Variants in CACNA1E observed in about 807,000 individuals in gnomAD.
CACNA1E encodes voltage-dependent R-type calcium channel subunit alpha-1E.
CACNA1E carries 40 observed loss-of-function variants against 259.2 expected under a neutral mutation model. The observed-to-expected ratio is 0.15, with a 90% CI of 0.12 to 0.20. CACNA1E has a LOEUF of 0.20. Ranked by LOEUF, CACNA1E falls within the 10% of genes least tolerant of loss-of-function variation. The pLI is 1.00. For synonymous variants in CACNA1E, 1,104 were observed against 1,138.5 expected (o/e 0.97, Z 0.61); for missense variants, 1,874 against 3,040.1 (o/e 0.62, Z 9.02).
chr1:181,602,913 TTACTC>T (rs1653876175), intron 6 of CACNA1E, among the ~76,000 whole-genome samples: 1 of 152,062 alleles, frequency 6.6e-6, no homozygotes, highest in Admixed American at 6.5e-5. Context: ...CGCATGAAAA[TTACTC>T]TAGGATCTCT....
intron 2 of CACNA1E, among the ~76,000 whole-genome samples, chr1:181,414,378 G>A (rs1409299837): frequency 6.6e-6 from 1 of 152,194 alleles, no homozygotes; most frequent in Non-Finnish European, 1.5e-5. Flanking sequence ...TTTGATGGTG[G>A]TGGTCGTGGT....
At chr1:181,625,160 T>C (rs1329141121) in intron 6 of CACNA1E, among the ~76,000 whole-genome samples, 1 of 151,118 alleles carries the variant, frequency 6.6e-6, no homozygotes, top group Non-Finnish European at 1.5e-5. Flanking sequence ...GTTTCATTTA[T>C]AGAGCACAAG....
rs144803114 is a variant in CACNA1E at position 181,670,228 on chromosome 1, C to T, written c.1055+18787C>T. Among the ~76,000 whole-genome samples the T allele has an allele frequency of 6.6e-5, 10 of 152,274 alleles. No individual in the cohort carries two copies. The East Asian group carries it at 1.7e-3, about 26-fold the overall frequency. On this transcript the variant is annotated intron_variant, in intron 7 of 47. Transcript: ENST00000367573. ...CTGTGCACTTGCAGACACGTATACA[C>T]TGAGGTGGCTGAAATAATACCTCCC...
intron 6 of CACNA1E, among the ~76,000 whole-genome samples, chr1:181,634,570 C>A (rs1657033023): frequency 1.3e-5 from 2 of 152,122 alleles, no homozygotes; most frequent in African/African-American, 2.4e-5. Flanking sequence ...AAGTTATTTC[C>A]ATCGAACATG....
chr1:181,467,200 G>C (rs759375393), intron 2 of CACNA1E, among the ~76,000 whole-genome samples: 1 of 152,224 alleles, frequency 6.6e-6, no homozygotes, highest in East Asian at 1.9e-4. Context: ...CAAGGAGATG[G>C]TTCTCAAATT....
At position 181,755,945 on chromosome 1, in the gene CACNA1E, T is replaced by C; in HGVS notation, c.3990-11T>C. On this transcript the variant is annotated splice_polypyrimidine_tract_variant and intron_variant, in intron 28 of 47. Coordinates refer to ENST00000367573, the MANE Select transcript of CACNA1E (RefSeq NM_001205293.3). ...TGAGGAGGCTCTCTTTCATTTCTGC[T>C]CTGGTTTTAGAGGCAACTATGTAGA... The C allele has an allele frequency of 6.2e-7, 1 of 1,611,728 alleles. No homozygotes were observed. Among genetic ancestry groups the C allele is most frequent in the Non-Finnish European group, 8.5e-7 (1 of 1,178,604 alleles).
At chr1:181,513,280 G>A (rs1455239121) in intron 3 of CACNA1E, among the ~76,000 whole-genome samples, 10 of 152,116 alleles carry the variant, frequency 6.6e-5, no homozygotes, top group Non-Finnish European at 1.0e-4. Flanking sequence ...CCAGGCCTTC[G>A]ATGCTAAGCA....
chr1:181,689,796 A>T (rs1033413675), intron 7 of CACNA1E, among the ~76,000 whole-genome samples: 3 of 152,030 alleles, frequency 2.0e-5, no homozygotes, highest in African/African-American at 7.3e-5. Context: ...GTGTCTGTTC[A>T]TATCCTTTGG....
intron 6 of CACNA1E, among the ~76,000 whole-genome samples, chr1:181,646,936 C>T (rs1658323937): frequency 1.3e-5 from 2 of 152,216 alleles, no homozygotes. Flanking sequence ...AGGTGGGCTG[C>T]CGCCCCCGAA....
intron 1 of CACNA1E, among the ~76,000 whole-genome samples, chr1:181,359,689 C>T (rs1456726943): frequency 6.6e-6 from 1 of 152,114 alleles, no homozygotes; most frequent in African/African-American, 2.4e-5. Flanking sequence ...TCCCGAGCTT[C>T]CCTGGTCTTT....
Position 181,804,352 on chromosome 1 carries a change from T to A in CACNA1E, c.*5518T>A, listed in dbSNP as rs1375416769. ...AGTACCAGCTGTCTTTTCTCTCTGG[T>A]CTCCTTTTTGTCGTCTTTCTCTTTC... On this transcript the variant is annotated 3_prime_UTR_variant, in exon 48 of 48. Transcript: ENST00000367573. The A allele has an allele frequency of 2.0e-5, 3 of 152,226 alleles. No individual in the cohort carries two copies. The highest frequency in any genetic ancestry group is 4.4e-5 in the Non-Finnish European group (3 of 68,048). 9.4% of individuals were successfully genotyped at this position (152,226 alleles called of 1,614,324 possible).
chr1:181,600,219 G>A (rs1214802968), intron 6 of CACNA1E, among the ~76,000 whole-genome samples: 5 of 152,218 alleles, frequency 3.3e-5, no homozygotes, highest in Admixed American at 3.3e-4. Context: ...GGTTCAGGGA[G>A]TGTCCAACAG....
chr1:181,720,496 C>T (rs749175126), intron 14 of CACNA1E, among the ~76,000 whole-genome samples, 159 bp downstream of exon 14: 13 of 152,210 alleles, frequency 8.5e-5, no homozygotes, highest in Admixed American at 2.6e-4. Flanking sequence ...GAGTAAACGT[C>T]TCTGCTTTTA....
chr1:181,605,796 C>T (rs960878378), intron 6 of CACNA1E, among the ~76,000 whole-genome samples: 1 of 152,162 alleles, frequency 6.6e-6, no homozygotes, highest in African/African-American at 2.4e-5. Flanking sequence ...TCTTGAGGAG[C>T]TTCTCAGCAT....
chr1:181,378,552 A>C (rs1277873901), intron 1 of CACNA1E, among the ~76,000 whole-genome samples: 1 of 152,180 alleles, frequency 6.6e-6, no homozygotes, highest in Non-Finnish European at 1.5e-5. Flanking sequence ...ACACAGAGAG[A>C]ACTCTGGAGA....
chr1:181,693,202 G>A (rs1029420189), intron 7 of CACNA1E, among the ~76,000 whole-genome samples: 1 of 151,546 alleles, frequency 6.6e-6, no homozygotes, highest in Non-Finnish European at 1.5e-5. Context: ...TACTCTGTTG[G>A]TGGTAATGTA....
At chr1:181,772,279 A>G (rs755338097) in intron 37 of CACNA1E, 48 bp downstream of exon 37, 30 of 1,561,040 alleles carry the variant, frequency 1.9e-5, no homozygotes, top group Non-Finnish European at 2.6e-5. Flanking sequence ...ATCCCATCCT[A>G]CCCCTAACCC....
intron 1 of CACNA1E, among the ~76,000 whole-genome samples, chr1:181,495,829 A>C (rs1296645362): frequency 6.6e-6 from 1 of 152,270 alleles, no homozygotes; most frequent in African/African-American, 2.4e-5. Context: ...TAATGTTGAT[A>C]GAATTTATAA....
chr1:181,738,287 T>G (rs886387732), intron 23 of CACNA1E, 80 bp from the exon 24 acceptor site: 6 of 1,123,070 alleles, frequency 5.3e-6, no homozygotes, highest in Non-Finnish European at 8.2e-6. Context: ...CACGAGTGCA[T>G]GTGTCCTGGC....
Sources: allele counts gnomAD v4.1 joint callset (sites outside exome capture counted in the v4.1 genomes callset), GRCh38; gene constraint gnomAD v4.1.1; transcripts MANE v1.5; gene names NCBI Gene and HGNC (gene_info 2026-07-23, HGNC 2026-07-21).